Variants in PCDH12 observed in about 807,000 individuals in gnomAD.
PCDH12 encodes the protein protocadherin-12.
A neutral mutation model predicts 70.9 loss-of-function variants in PCDH12; 45 were observed. The ratio of observed to expected loss-of-function variants is 0.63; its 90% CI spans 0.50 to 0.81. The LOEUF (loss-of-function observed/expected upper bound fraction) is 0.81, where lower values mean the gene tolerates loss of function less well. Ranked by LOEUF, PCDH12 falls within the 40% of genes least tolerant of loss-of-function variation. The probability of loss-of-function intolerance (pLI) is 0.00; values close to 1 mark genes in which losing one functional copy is unlikely to be tolerated. For synonymous variants in PCDH12, 567 were observed against 626.0 expected (o/e 0.91, Z 1.41); for missense variants, 1,370 against 1,491.7 (o/e 0.92, Z 1.34).
Position 141,951,474 on chromosome 5 carries a change from G to T in PCDH12, c.2978+19C>A. Reference sequence around the variant, plus strand: ...CAGTAGGGGCCTTGAGATGCCTGTGGGGGCTACGTGCTGCTTACCTGCTGC... The same window carrying T: ...CAGTAGGGGCCTTGAGATGCCTGTGTGGGCTACGTGCTGCTTACCTGCTGC... On this transcript the variant is annotated intron_variant, in intron 2 of 3. Coordinates refer to ENST00000231484, the MANE Select transcript of PCDH12 (RefSeq NM_016580.4). The T allele has an allele frequency of 6.3e-7, 1 of 1,599,094 alleles. No homozygotes were observed. The highest frequency in any genetic ancestry group is 8.6e-7 in the Non-Finnish European group (1 of 1,166,638).
At position 141,951,804 on chromosome 5, in the gene PCDH12, G is replaced by T. The variant is rs559611818; in HGVS notation, c.2881-214C>A. Among the ~76,000 whole-genome samples the T allele has an allele frequency of 2.0e-5, 3 of 152,394 alleles. No individual in the cohort carries two copies. The East Asian group carries it at 5.8e-4, about 29-fold the overall frequency. ...TGTCATGTCACCCCAGGACCTGAGT[G>T]TCTGAAGGAGAGCAAGAGGACCCTC... On this transcript the variant is annotated intron_variant, in intron 1 of 3. Coordinates refer to ENST00000231484, the MANE Select transcript of PCDH12 (RefSeq NM_016580.4).
intron 3 of PCDH12, among the ~76,000 whole-genome samples, chr5:141,947,708 C>T (rs1360839389): frequency 2.0e-5 from 3 of 152,182 alleles, no homozygotes; most frequent in East Asian, 1.9e-4. Context: ...TTATCATGGT[C>T]GCATTCTCAA....
Position 141,945,806 on chromosome 5 carries a change from C to G in PCDH12, c.3131-1G>C, listed in dbSNP as rs1427158987. ...GCGCTCAGCCGGTCCAGGGCCAGAC[C>G]TGTGGGGGAAGGAGGGGACACAGTG... On this transcript the variant is annotated splice_acceptor_variant, in intron 3 of 3. Coordinates refer to ENST00000231484, the MANE Select transcript of PCDH12 (RefSeq NM_016580.4). LOFTEE classifies it high-confidence loss of function. 1 of 1,609,590 alleles carries G rather than the reference C, an allele frequency of 6.2e-7. No homozygotes were observed. The highest frequency in any genetic ancestry group is 1.1e-5 in the South Asian group (1 of 90,548).
In PCDH12 at chr5:141,945,507, C is replaced by A. The variant is rs750846289; in HGVS notation, c.3429G>T (p.Gly1143=). 1 of 1,613,648 alleles carries A rather than the reference C, an allele frequency of 6.2e-7. No individual in the cohort carries two copies. Among genetic ancestry groups the A allele is most frequent in the South Asian group, 1.1e-5 (1 of 91,066 alleles). ...SEALRRLSVC[G]RTLSLDLATS... is the part of the protein sequence containing the mutation. ...TGGCCAAGTCTAAACTGAGGGTCCT[C>A]CCGCAGACCGAGAGCCGCCGCAGCG... Residue 1143 remains glycine (G), a synonymous_variant, in exon 4 of 4, where the codon GGG becomes GGT. Coordinates refer to ENST00000231484, the MANE Select transcript of PCDH12 (RefSeq NM_016580.4).
In PCDH12 at chr5:141,955,914, G is replaced by A. The variant is rs1385676902; in HGVS notation, c.1938C>T (p.Leu646=). The A allele has an allele frequency of 1.2e-6, 2 of 1,614,236 alleles. No homozygotes were observed. Among genetic ancestry groups the A allele is most frequent in the Non-Finnish European group, 1.7e-6 (2 of 1,180,050 alleles). ...YSIRSGNEAH[L]FILNPHTGQL... ...GCCCCGTATGAGGGTTGAGGATGAA[G>A]AGGTGGGCTTCATTTCCACTGCGGA... The change falls in exon 1 of 4, where the codon CTC becomes CTT. Residue 646 remains leucine (L), a synonymous_variant. Transcript: ENST00000231484. The surrounding 1 kb of genome is among the most constrained non-coding windows in gnomAD (Gnocchi z 5.5).
intron 2 of PCDH12, among the ~76,000 whole-genome samples, chr5:141,950,460 C>T (rs888800404): frequency 3.3e-5 from 5 of 152,150 alleles, no homozygotes; most frequent in Non-Finnish European, 5.9e-5. Context: ...AGGCCTTATG[C>T]GATGCAAGGT....
chr5:141,958,167 C>T lies in PCDH12; in HGVS notation c.-316G>A. The T allele has an allele frequency of 3.1e-6, 1 of 323,308 alleles. No homozygotes were observed. The highest frequency in any genetic ancestry group is 5.7e-6 in the Non-Finnish European group (1 of 175,614). 20.0% of individuals were successfully genotyped at this position (323,308 alleles called of 1,614,324 possible). On this transcript the variant is annotated 5_prime_UTR_variant, in exon 1 of 4. Coordinates refer to ENST00000231484, the MANE Select transcript of PCDH12 (RefSeq NM_016580.4). ...CTAAGAGGGACCTGACCCAGTTGAG[C>T]AGGATGTGGGACTCTGACTGCCAAA...
chr5:141,944,979 T>A lies in PCDH12; in HGVS notation c.*402A>T, dbSNP rs1238273741. 1 of 191,350 alleles carries A rather than the reference T, an allele frequency of 5.2e-6. No homozygotes were observed. The highest frequency in any genetic ancestry group is 1.1e-5 in the Non-Finnish European group (1 of 93,008). The allele number at this position is 191,350 out of a possible 1,614,324, so 11.9% of individuals were successfully genotyped here. On this transcript the variant is annotated 3_prime_UTR_variant, in exon 4 of 4. Transcript: ENST00000231484. ...AAACAGGAGAATGAATCACTGCTTT[T>A]CCTTTATTGATAGGTCAGAGAGCAT...
At position 141,957,581 on chromosome 5, in the gene PCDH12, G is replaced by A. The variant is rs61737136; in HGVS notation, c.271C>T (p.Arg91Trp). ...SEEGLLSTGR[R>W]LDREQLCRQW... is the part of the protein sequence containing the mutation. ...CGGCACAGCTGCTCTCGATCCAGCC[G>A]CCTGCCTGTGCTGAGCAAGCCTTCC... is the stretch of plus-strand genomic sequence containing the variant. The change falls in exon 1 of 4, where the codon CGG becomes TGG. Residue 91 changes from arginine to tryptophan, a missense_variant. Arg to Trp is a moderately radical substitution (Grantham distance 101). Transcript: ENST00000231484. The surrounding 1 kb of genome is among the most constrained non-coding windows in gnomAD (Gnocchi z 4.3). 85 of 1,614,014 alleles carry A rather than the reference G, an allele frequency of 5.3e-5. No individual in the cohort carries two copies. Among genetic ancestry groups the A allele is most frequent in the African/African-American group, 8.0e-5 (6 of 74,910 alleles).
chr5:141,949,153 G>A (rs1753019138), intron 3 of PCDH12, among the ~76,000 whole-genome samples: 1 of 151,958 alleles, frequency 6.6e-6, no homozygotes, highest in African/African-American at 2.4e-5. Context: ...GAGCCCAGGA[G>A]GTCAATGCTG....
chr5:141,947,109 T>C lies in PCDH12; in HGVS notation c.3131-1304A>G, dbSNP rs189865343. ...TTAACCAAATATTACTTATGTAATTTGAACAAGTTATTCCGAAGTATGTGT... is the reference window on the plus strand; with the variant it reads ...TTAACCAAATATTACTTATGTAATTCGAACAAGTTATTCCGAAGTATGTGT... On this transcript the variant is annotated intron_variant, in intron 3 of 3. Coordinates refer to ENST00000231484, the MANE Select transcript of PCDH12 (RefSeq NM_016580.4). Among the ~76,000 whole-genome samples the C allele has an allele frequency of 5.0e-3, 755 of 152,362 alleles. 4 individuals carry two copies. Among genetic ancestry groups the C allele is most frequent in the Non-Finnish European group, 9.0e-3 (613 of 68,032 alleles).
intron 1 of PCDH12, among the ~76,000 whole-genome samples, chr5:141,954,422 G>A (rs1336176469): frequency 6.6e-6 from 1 of 152,244 alleles, no homozygotes; most frequent in East Asian, 1.9e-4. Context: ...AATTTGCTGA[G>A]TACTGACTAC....
Position 141,957,817 on chromosome 5 carries a change from A to G in PCDH12, c.35T>C (p.Leu12Ser). 6.2e-7 allele frequency: 1 copy of G among 1,601,578 alleles called. No individual in the cohort carries two copies. The stretch of plus-strand genomic sequence containing the variant: ...AAGAAATAAGTAGCCACCTGGCCCC[A>G]AAAGCCCCAGCAGAAGTTGCAGAAG... ...MQLLQLLLGLLGPGGYLFLLG... is the reference protein window; with the variant it reads ...MQLLQLLLGLSGPGGYLFLLG... The change falls in exon 1 of 4, where the codon TTG (leucine) becomes TCG (serine). Residue 12 changes from leucine (L) to serine (S), a missense_variant. Leu to Ser is a moderately radical substitution (Grantham distance 145). Coordinates refer to ENST00000231484, the MANE Select transcript of PCDH12 (RefSeq NM_016580.4). The surrounding 1 kb of genome is among the most constrained non-coding windows in gnomAD (Gnocchi z 4.3).
chr5:141,955,970 A>G lies in PCDH12; in HGVS notation c.1882T>C (p.Ser628Pro). Residue 628 changes from serine (S) to proline (P), a missense_variant, in exon 1 of 4, where the codon TCG becomes CCG. Ser to Pro is a moderately conservative substitution (Grantham distance 74, BLOSUM62 -1). Transcript: ENST00000231484. The surrounding 1 kb of genome is among the most constrained non-coding windows in gnomAD (Gnocchi z 5.5). ...LTTIVARDAD[S>P]GANGEPLYSI... ...TAGAGGGGCTCTCCATTTGCCCCCG[A>G]GTCTGCATCTCTTGCCACAATGGTT... 2 of 1,614,160 alleles carry G rather than the reference A, an allele frequency of 1.2e-6. No homozygotes were observed. Among genetic ancestry groups the G allele is most frequent in the Non-Finnish European group, 8.5e-7 (1 of 1,180,044 alleles).
rs1300433055 is a variant in PCDH12, at chr5:141,949,442, G to A, written c.3120C>T (p.Asp1040=). The A allele has an allele frequency of 3.1e-6, 5 of 1,613,354 alleles. No homozygotes were observed. In the African/African-American group the frequency reaches 5.3e-5, roughly 17 times the overall value. ...CCAGGGGGTCCCTACCTGTGCTGGG[G>A]TCCAGCAGACTTGACAGCTCTTCTT... ...LLEEELSSLL[D]PSTGLALDRL... The change falls in exon 3 of 4, where the codon GAC becomes GAT. Residue 1040 remains aspartate, a synonymous_variant. Transcript: ENST00000231484.
intron 1 of PCDH12, chr5:141,952,900 G>C (rs1369861788): frequency 6.6e-6 from 1 of 152,230 alleles, no homozygotes; most frequent in African/African-American, 2.4e-5. Context: ...ATGCCCCTCT[G>C]TGCAGCTTGA....
Position 141,955,831 on chromosome 5 carries a change from T to G in PCDH12, c.2021A>C (p.Glu674Ala), listed in dbSNP as rs764684851. The part of the protein sequence containing the change: ...SSLIGSEWEL[E>A]IVVEDQGSPP... ...GCTTCCCTGGTCCTCTACTACTATC[T>G]CCAGCTCCCACTCACTCCCAATGAG... Residue 674 changes from glutamate (E) to alanine (A), a missense_variant, in exon 1 of 4, where the codon GAG (glutamate) becomes GCG (alanine). Transcript: ENST00000231484. This position sits in a 1 kb window ranked among gnomAD's most constrained non-coding sequence, Gnocchi z 5.5. 25 of 1,613,822 alleles carry G rather than the reference T, an allele frequency of 1.5e-5. No homozygotes were observed. The highest frequency in any genetic ancestry group is 2.1e-5 in the Non-Finnish European group (25 of 1,179,960).
chr5:141,945,239 G>T lies in PCDH12; in HGVS notation c.*142C>A. The T allele has an allele frequency of 9.9e-7, 1 of 1,005,424 alleles. No homozygotes were observed. Among genetic ancestry groups the T allele is most frequent in the Non-Finnish European group, 1.5e-6 (1 of 681,368 alleles). The allele number at this position is 1,005,424 out of a possible 1,614,324, so 62.3% of individuals were successfully genotyped here. On this transcript the variant is annotated 3_prime_UTR_variant, in exon 4 of 4. Coordinates refer to ENST00000231484, the MANE Select transcript of PCDH12 (RefSeq NM_016580.4). ...GTCAGCTGTTAGTCCTGGGGCTCTT[G>T]CCTCCTCTGTGGGGGTAGCATCAGT...
At position 141,945,754 on chromosome 5, in the gene PCDH12, A is replaced by C; in HGVS notation, c.3182T>G (p.Leu1061Arg). 1 of 1,613,882 alleles carries C rather than the reference A, an allele frequency of 6.2e-7. No individual in the cohort carries two copies. The change falls in exon 4 of 4, where the codon CTC (leucine) becomes CGC (arginine). Residue 1061 changes from leucine (L) to arginine (R), a missense_variant. Leu to Arg is a moderately radical substitution (Grantham distance 102). Coordinates refer to ENST00000231484, the MANE Select transcript of PCDH12 (RefSeq NM_016580.4). Reference protein sequence around the residue: ...SAPDPAWMARLSLPLTTNYRD... With the variant: ...SAPDPAWMARRSLPLTTNYRD... ...GTAGTTGGTGGTGAGGGGCAAAGAG[A>C]GTCTCGCCATCCAGGCCGGGTCAGG... is the stretch of plus-strand genomic sequence containing the variant.
Sources: gnomAD v4.1 joint callset for allele counts (sites outside exome capture counted in the v4.1 genomes callset) on GRCh38, gnomAD v4.1.1 for gene constraint, Gnocchi (gnomAD v3.1) non-coding constraint, MANE v1.5 for transcripts, NCBI Gene and HGNC (gene_info 2026-07-23, HGNC 2026-07-21) for gene names.